The following RGS22 variants were observed in gnomAD, a reference collection of about 807,000 sequenced individuals.
RGS22 encodes the protein regulator of G-protein signaling 22.
RGS22 carries 148 observed loss-of-function variants against 172.9 expected under a neutral mutation model. The observed-to-expected ratio is 0.86, with a 90% CI of 0.75 to 0.98. The LOEUF is 0.98. Ranked by LOEUF, RGS22 falls within the 50% of genes least tolerant of loss-of-function variation. The pLI is 0.00. For missense variants in RGS22, 1,347 were observed against 1,440.8 expected (o/e 0.93, Z 1.05); for synonymous variants, 458 against 480.2 (o/e 0.95, Z 0.60).
At chr8:100,062,816 G>T in intron 8 of RGS22, 64 bp from the exon 9 acceptor site, 1 of 1,284,982 alleles carries the variant, frequency 7.8e-7, no homozygotes, top group Non-Finnish European at 1.1e-6. Flanking sequence ...CTACCAAAAT[G>T]TAGTTGAATA....
Position 100,071,496 on chromosome 8 carries a change from C to T in RGS22, c.467G>A (p.Gly156Asp), listed in dbSNP as rs773316669. The change falls in exon 6 of 28, where the codon GGC becomes GAC. Residue 156 changes from glycine (G) to aspartate (D), a missense_variant. Coordinates refer to ENST00000360863, the MANE Select transcript of RGS22 (RefSeq NM_015668.5). ...ATTTGATCCTACTGTGAAATTCATG[C>T]CGGACTTGCTCCATCTTACTTGTGA... ...LVSQVRWSKS[G>D]MNFTVGSNFS... 2.4e-5 allele frequency: 38 copies of T among 1,612,308 alleles called. No homozygotes were observed. Among genetic ancestry groups the T allele is most frequent in the Non-Finnish European group, 3.1e-5 (37 of 1,179,088 alleles).
chr8:99,967,874 G>A (rs148471701), intron 23 of RGS22, among the ~76,000 whole-genome samples: 1,770 of 152,308 alleles, frequency 0.012, 44 homozygotes, highest in African/African-American at 0.041. Context: ...CACAGTTCTC[G>A]AGCTCTGCTA....
chr8:99,972,404 G>A (rs1811458978), intron 23 of RGS22, among the ~76,000 whole-genome samples: 1 of 152,092 alleles, frequency 6.6e-6, no homozygotes, highest in Admixed American at 6.6e-5. Flanking sequence ...GACAAATGGG[G>A]TCTAATTAAG....
intron 11 of RGS22, among the ~76,000 whole-genome samples, chr8:100,045,339 G>A (rs961114279): frequency 1.3e-5 from 2 of 152,006 alleles, no homozygotes; most frequent in East Asian, 1.9e-4. Flanking sequence ...CACATACTAT[G>A]TGCCAGATAC....
Position 99,982,040 on chromosome 8 carries a change from G to C in RGS22, c.3257C>G (p.Ser1086Cys). ...AATTTGTAAAGCTGGTGGAATACTG[G>C]AATTAATAAAGCAGTTGATAATAGT... ...ITTIINCFIN[S>C]SIPPALQIDI... The change falls in exon 22 of 28, where the codon TCC (serine) becomes TGC (cysteine). Residue 1086 changes from serine to cysteine, a missense_variant. Coordinates refer to ENST00000360863, the MANE Select transcript of RGS22 (RefSeq NM_015668.5). 6.2e-7 allele frequency: 1 copy of C among 1,613,708 alleles called. No individual in the cohort carries two copies. Among genetic ancestry groups the C allele is most frequent in the Non-Finnish European group, 8.5e-7 (1 of 1,179,732 alleles).
intron 27 of RGS22, 61 bp downstream of exon 27, chr8:99,962,333 C>T: frequency 9.5e-7 from 1 of 1,049,910 alleles, no homozygotes; most frequent in Non-Finnish European, 1.5e-6. Flanking sequence ...CGTGCATGTA[C>T]ATGAATGAGT....
In RGS22 at chr8:100,096,848, G is replaced by A. The variant is rs150385578; in HGVS notation, c.55-3339C>T. On this transcript the variant is annotated intron_variant, in intron 2 of 27. Coordinates refer to ENST00000360863, the MANE Select transcript of RGS22 (RefSeq NM_015668.5). ...CTCTAAAAGATGCAAGATATACAAA[G>A]ACACTATAAACAAGGAAGAGGAAAT... 1.2e-4 allele frequency among the ~76,000 whole-genome samples: 18 copies of A among 151,288 alleles called. No homozygotes were observed. The East Asian group carries it at 3.1e-3, about 26-fold the overall frequency.
intron 14 of RGS22, among the ~76,000 whole-genome samples, chr8:100,012,931 G>A (rs141638472): frequency 6.7e-6 from 1 of 150,186 alleles, no homozygotes; most frequent in Non-Finnish European, 1.5e-5. Context: ...GAGCATTCTG[G>A]TTAGTAAAAG....
chr8:100,008,194 C>T (rs965988015), intron 15 of RGS22, among the ~76,000 whole-genome samples, 181 bp downstream of exon 15: 3 of 151,848 alleles, frequency 2.0e-5, no homozygotes, highest in Non-Finnish European at 2.9e-5. Flanking sequence ...CCCACCACCA[C>T]GCCTGGCTAA....
intron 14 of RGS22, among the ~76,000 whole-genome samples, chr8:100,032,142 C>T (rs200583045): frequency 1.3e-5 from 2 of 152,036 alleles, no homozygotes; most frequent in Non-Finnish European, 2.9e-5. Context: ...ACATCATAAT[C>T]ACAGGATCAA....
chr8:100,098,969 G>A (rs1261160469), intron 2 of RGS22, among the ~76,000 whole-genome samples: 2 of 150,904 alleles, frequency 1.3e-5, no homozygotes, highest in African/African-American at 4.9e-5. Flanking sequence ...AGGCTGGAGT[G>A]CAGTGGCAAA....
At chr8:100,098,514 GC>G (rs1813159157) in intron 2 of RGS22, among the ~76,000 whole-genome samples, 1 of 152,128 alleles carries the variant, frequency 6.6e-6, no homozygotes, top group South Asian at 2.1e-4. Context: ...CCACTGGTTT[GC>G]AAAATTATAT....
rs905264617 is a variant in RGS22, at chr8:100,025,038, G to A, written c.2166+13893C>T. 1.1e-4 allele frequency among the ~76,000 whole-genome samples: 13 copies of A among 118,518 alleles called. No individual in the cohort carries two copies. The East Asian group carries it at 1.2e-3, about 11-fold the overall frequency. The allele number at this position is 118,518 out of a possible 152,430, so 77.8% of individuals were successfully genotyped here. On this transcript the variant is annotated intron_variant, in intron 14 of 27. Transcript: ENST00000360863. The stretch of plus-strand genomic sequence containing the variant: ...TAAATAAATAAATAAATAAATAAAT[G>A]AGGATCTTTGGAGATCCTTTTTTGG...
chr8:100,105,876 C>A, intron 1 of RGS22, 21 bp downstream of exon 1: 2 of 1,504,906 alleles, frequency 1.3e-6, no homozygotes, highest in Non-Finnish European at 1.8e-6. Flanking sequence ...GATCCTCTGT[C>A]CCTGTGGGGC....
Position 100,052,107 on chromosome 8 carries a change from ATG to A in RGS22, c.1689+693_1689+694del, listed in dbSNP as rs1282120068. 5.5e-3 allele frequency among the ~76,000 whole-genome samples: 314 copies of A among 57,264 alleles called. 40 individuals are homozygous for A. Among genetic ancestry groups the A allele is most frequent in the South Asian group, 7.8e-3 (13 of 1,670 alleles). 37.6% of individuals were successfully genotyped at this position (57,264 alleles called of 152,430 possible). A position where few individuals can be genotyped will look rare whatever the true frequency, so the allele number is the denominator to read the frequency against. On this transcript the variant is annotated intron_variant, in intron 10 of 27. Transcript: ENST00000360863. ...TATATATTTATATATTTATATATAA[ATG>A]TTTATATATATTTATATATAAATAT...
rs1272782415 is a variant in RGS22, at chr8:100,051,830, T to C, written c.1689+972A>G. Among the ~76,000 whole-genome samples the C allele has an allele frequency of 5.9e-5, 4 of 68,216 alleles. 1 individual carries two copies. Among genetic ancestry groups the C allele is most frequent in the Non-Finnish European group, 1.0e-4 (4 of 38,964 alleles). The allele number at this position is 68,216 out of a possible 152,430, so 44.8% of individuals were successfully genotyped here. A position where few individuals can be genotyped will look rare whatever the true frequency, so the allele number is the denominator to read the frequency against. On this transcript the variant is annotated intron_variant, in intron 10 of 27. Transcript: ENST00000360863. ...ATAAATGTTTATATATATTTATATATAAATGTTTATATATTTATATATTTA... is the reference window on the plus strand; with the variant it reads ...ATAAATGTTTATATATATTTATATACAAATGTTTATATATTTATATATTTA...
Position 100,008,396 on chromosome 8 carries a change from C to G in RGS22, c.2340G>C (p.Ser780=). 6.2e-7 allele frequency: 1 copy of G among 1,609,572 alleles called. No individual in the cohort carries two copies. The change falls in exon 15 of 28, where the codon TCG becomes TCC. Residue 780 remains serine, a synonymous_variant. Coordinates refer to ENST00000360863, the MANE Select transcript of RGS22 (RefSeq NM_015668.5). ...LLEPWTKMVK[S]DQIAYKKVEL... ...GTACCTTTTTATAAGCAATTTGGTCCGATTTTACCATCTTTGTCCATGGCT... is the reference window on the plus strand; with the variant it reads ...GTACCTTTTTATAAGCAATTTGGTCGGATTTTACCATCTTTGTCCATGGCT...
At chr8:100,105,873 T>C in intron 1 of RGS22, 24 bp downstream of exon 1, 1 of 1,506,026 alleles carries the variant, frequency 6.6e-7, no homozygotes, top group Non-Finnish European at 8.9e-7. Context: ...GCTGATCCTC[T>C]GTCCCTGTGG....
At chr8:100,006,170 G>A in intron 15 of RGS22, 61 bp from the exon 16 acceptor site, 1 of 1,338,098 alleles carries the variant, frequency 7.5e-7, no homozygotes, top group Non-Finnish European at 1.0e-6. Context: ...AGTAACAGTG[G>A]GCTGAAAAAC....
Sources: gnomAD v4.1 joint callset for allele counts (sites outside exome capture counted in the v4.1 genomes callset) on GRCh38, gnomAD v4.1.1 for gene constraint, MANE v1.5 for transcripts, NCBI Gene and HGNC (gene_info 2026-07-23, HGNC 2026-07-21) for gene names.